Variants in ENTPD3 observed in about 807,000 individuals in gnomAD.
ENTPD3 encodes the protein CD39 antigen-like 3.
A neutral mutation model predicts 51.2 loss-of-function variants in ENTPD3; 60 were observed. The observed-to-expected ratio is 1.17, with a 90% CI of 0.95 to 1.45. The LOEUF (loss-of-function observed/expected upper bound fraction) is 1.45, where lower values mean the gene tolerates loss of function less well. Ranked by LOEUF, ENTPD3 falls within the 40% of genes most tolerant of loss-of-function variation. ENTPD3 has a pLI of 0.00. For synonymous variants in ENTPD3, 221 were observed against 238.4 expected (o/e 0.93, Z 0.67); for missense variants, 593 against 641.1 (o/e 0.93, Z 0.81).
In ENTPD3 at chr3:40,397,119, C is replaced by CTTTTTTTTTTTTT. The variant is rs3064608; in HGVS notation, c.169-3767_169-3755dup. Among the ~76,000 whole-genome samples the CTTTTTTTTTTTTT allele has an allele frequency of 2.7e-3, 276 of 101,276 alleles. 25 individuals carry two copies. Among genetic ancestry groups the CTTTTTTTTTTTTT allele is most frequent in the African/African-American group, 7.8e-3 (211 of 26,906 alleles). The allele number at this position is 101,276 out of a possible 152,430, so 66.4% of individuals were successfully genotyped here. A position where few individuals can be genotyped will look rare whatever the true frequency, so the allele number is the denominator to read the frequency against. ...AGAGTAAGAGTTGGATAATTAGTTT[C>CTTTTTTTTTTTTT]TTTTTTTTTTTTTTTTTTTTCAGAA... On this transcript the variant is annotated intron_variant, in intron 3 of 10. Coordinates refer to ENST00000301825, the MANE Select transcript of ENTPD3 (RefSeq NM_001248.4).
chr3:40,401,697 T>C (rs1955361238), intron 4 of ENTPD3, among the ~76,000 whole-genome samples: 1 of 152,252 alleles, frequency 6.6e-6, no homozygotes, highest in Non-Finnish European at 1.5e-5. Context: ...TTGAATTTCA[T>C]ATAATTCTCA....
Position 40,423,108 on chromosome 3 carries a change from A to T in ENTPD3, c.1090A>T (p.Lys364Ter), listed in dbSNP as rs771968548. The T allele has an allele frequency of 6.2e-7, 1 of 1,612,216 alleles. No homozygotes were observed. The highest frequency in any genetic ancestry group is 2.2e-5 in the East Asian group (1 of 44,852). The change falls in exon 8 of 11, where the codon AAA becomes TAA. Residue 364 changes from lysine (K) to a stop codon, truncating the protein, a stop_gained. Transcript: ENST00000301825. LOFTEE classifies it high-confidence loss of function. Reference sequence around the variant, plus strand: ...TGATGGGGTTTATCAGCCAAAGATTAAAGGGCCATTTGTGGTAAGAGCAAA... The same window carrying T: ...TGATGGGGTTTATCAGCCAAAGATTTAAGGGCCATTTGTGGTAAGAGCAAA... ...SFDGVYQPKI[K>*]GPFVAFAGFY... is the part of the protein sequence containing the mutation.
At position 40,413,246 on chromosome 3, in the gene ENTPD3, A is replaced by G. The variant is rs550662785; in HGVS notation, c.437+1284A>G. On this transcript the variant is annotated intron_variant, in intron 5 of 10. Transcript: ENST00000301825. ...AAATCCTTCTGCTTTCAGTCTATTC[A>G]ATTCCCATTTTCAGACTGAATTTCC... 2.6e-3 allele frequency among the ~76,000 whole-genome samples: 392 copies of G among 152,278 alleles called. 3 individuals are homozygous for G. Among genetic ancestry groups the G allele is most frequent in the Middle Eastern group, 6.8e-3 (2 of 294 alleles).
chr3:40,422,870 T>A lies in ENTPD3; in HGVS notation c.852T>A (p.His284Gln). Residue 284 changes from histidine (H) to glutamine (Q), a missense_variant, in exon 8 of 11, where the codon CAT becomes CAA. Coordinates refer to ENST00000301825, the MANE Select transcript of ENTPD3 (RefSeq NM_001248.4). The stretch of plus-strand genomic sequence containing the variant: ...TACAGAATTCTCCTACCAAAAACCA[T>A]CTCACCAATCCCTGTTACCCTCGGG... ...MLLQNSPTKN[H>Q]LTNPCYPRDY... is the part of the protein sequence containing the mutation. 6.2e-7 allele frequency: 1 copy of A among 1,612,768 alleles called. No homozygotes were observed. The highest frequency in any genetic ancestry group is 8.5e-7 in the Non-Finnish European group (1 of 1,179,814).
intron 2 of ENTPD3, among the ~76,000 whole-genome samples, chr3:40,388,899 G>A (rs913630587): frequency 9.2e-5 from 14 of 152,164 alleles, no homozygotes; most frequent in Admixed American, 6.5e-4. Context: ...AGAAGACTTA[G>A]GAGGCCAGCC....
intron 4 of ENTPD3, among the ~76,000 whole-genome samples, chr3:40,403,329 T>G (rs1294845927): frequency 1.3e-5 from 2 of 152,124 alleles, no homozygotes; most frequent in Admixed American, 6.5e-5. Context: ...AGATGCACTA[T>G]TATAGCAGAA....
chr3:40,388,571 G>GGCACACACACACAGACACACACACACAC (rs1954989600), intron 2 of ENTPD3, among the ~76,000 whole-genome samples: 1 of 110,500 alleles, frequency 9.0e-6, no homozygotes, highest in African/African-American at 3.1e-5. Flanking sequence ...CACACTGGAA[G>GGCACACACACACAGACACACACACACAC]GCACACACAC....
chr3:40,415,671 C>A (rs1341097757), intron 6 of ENTPD3, among the ~76,000 whole-genome samples, 169 bp from the exon 7 acceptor site: 1 of 152,186 alleles, frequency 6.6e-6, no homozygotes, highest in African/African-American at 2.4e-5. Context: ...TGCCCAGTTC[C>A]TGTAAGCATT....
chr3:40,402,117 T>TTTTTTTC (rs1553643055), intron 4 of ENTPD3, among the ~76,000 whole-genome samples: 1 of 58,622 alleles, frequency 1.7e-5, no homozygotes, highest in African/African-American at 1.3e-4. Flanking sequence ...TTTCCTTTTT[T>TTTTTTTC]TTTTTCTTTT....
At position 40,423,313 on chromosome 3, in the gene ENTPD3, C is replaced by A. The variant is rs559841105; in HGVS notation, c.1127C>A (p.Thr376Lys). 78 of 1,613,810 alleles carry A rather than the reference C, an allele frequency of 4.8e-5. 2 individuals carry two copies. The South Asian group carries it at 8.0e-4, about 17-fold the overall frequency. Residue 376 changes from threonine to lysine, a missense_variant, in exon 9 of 11, where the codon ACA becomes AAA. Coordinates refer to ENST00000301825, the MANE Select transcript of ENTPD3 (RefSeq NM_001248.4). ...CAGGCTTTTGCAGGATTCTACTACA[C>A]AGCCAGTGCTTTAAATCTTTCAGGT... ...PFVAFAGFYY[T>K]ASALNLSGSF...
intron 10 of ENTPD3, chr3:40,424,706 C>T (rs925605505): frequency 5.6e-5 from 39 of 701,150 alleles, no homozygotes; most frequent in Admixed American, 5.2e-4. Context: ...AGGGCTAAGC[C>T]TTGTGAATAT....
chr3:40,405,513 A>AG (rs1310980151), intron 4 of ENTPD3, among the ~76,000 whole-genome samples: 6 of 151,812 alleles, frequency 4.0e-5, no homozygotes, highest in African/African-American at 1.5e-4. Flanking sequence ...TCAAAAAAAA[A>AG]AAATCATTTG....
chr3:40,401,226 T>C (rs955139516), intron 4 of ENTPD3, among the ~76,000 whole-genome samples: 1 of 152,206 alleles, frequency 6.6e-6, no homozygotes. Flanking sequence ...CAGTGTTTTA[T>C]CTGTATACAT....
chr3:40,423,876 C>G lies in ENTPD3; in HGVS notation c.1266C>G (p.Cys422Trp). Residue 422 changes from cysteine (C) to tryptophan (W), a missense_variant, in exon 10 of 11, where the codon TGC becomes TGG. By Grantham distance (215) the Cys-to-Trp change is radical (BLOSUM62 -2). Coordinates refer to ENST00000301825, the MANE Select transcript of ENTPD3 (RefSeq NM_001248.4). Reference sequence around the variant, plus strand: ...ATGAGGTATATGCCCGCTCTTACTGCTTCTCAGCCAACTACATCTACCACT... The same window carrying G: ...ATGAGGTATATGCCCGCTCTTACTGGTTCTCAGCCAACTACATCTACCACT... ...KFDEVYARSY[C>W]FSANYIYHLF... 1 of 1,614,154 alleles carries G rather than the reference C, an allele frequency of 6.2e-7. No individual in the cohort carries two copies. Among genetic ancestry groups the G allele is most frequent in the Non-Finnish European group, 8.5e-7 (1 of 1,180,008 alleles).
In ENTPD3 at chr3:40,416,080, G is replaced by T; in HGVS notation, c.831+7G>T. 1 of 1,609,834 alleles carries T rather than the reference G, an allele frequency of 6.2e-7. No individual in the cohort carries two copies. Among genetic ancestry groups the T allele is most frequent in the South Asian group, 1.1e-5 (1 of 90,716 alleles). ...TCTGGCAATGCTCCTGCAGGTACTTGAGTCGGGGGTAGGGGGTGGCAGGTG... is the reference window on the plus strand; with the variant it reads ...TCTGGCAATGCTCCTGCAGGTACTTTAGTCGGGGGTAGGGGGTGGCAGGTG... On this transcript the variant is annotated splice_region_variant and intron_variant, in intron 7 of 10. Coordinates refer to ENST00000301825, the MANE Select transcript of ENTPD3 (RefSeq NM_001248.4).
intron 3 of ENTPD3, among the ~76,000 whole-genome samples, chr3:40,398,100 T>A (rs1955252566): frequency 6.6e-6 from 1 of 151,964 alleles, no homozygotes; most frequent in Non-Finnish European, 1.5e-5. Context: ...TCGGTAGAGG[T>A]GGGCCTATAT....
intron 4 of ENTPD3, among the ~76,000 whole-genome samples, chr3:40,409,990 T>A (rs568496250): frequency 5.1e-4 from 78 of 152,304 alleles, no homozygotes; most frequent in Non-Finnish European, 8.5e-4. Context: ...AAACTTTTTT[T>A]AAAAAAGAAA....
At chr3:40,395,140 C>A (rs547834277) in intron 3 of ENTPD3, among the ~76,000 whole-genome samples, 1 of 152,288 alleles carries the variant, frequency 6.6e-6, no homozygotes, top group African/African-American at 2.4e-5. Flanking sequence ...TCTGTGAGAA[C>A]AGGTTTGGGA....
intron 3 of ENTPD3, chr3:40,399,541 T>A (rs1172256562): frequency 1.3e-5 from 2 of 152,196 alleles, no homozygotes; most frequent in African/African-American, 4.8e-5. Context: ...CTTCATCATC[T>A]TCTGTGGGAC....
Sources: gnomAD v4.1 joint callset for allele counts (sites outside exome capture counted in the v4.1 genomes callset) on GRCh38, gnomAD v4.1.1 for gene constraint, MANE v1.5 for transcripts, NCBI Gene and HGNC (gene_info 2026-07-23, HGNC 2026-07-21) for gene names.